The following NDST4 variants were observed in gnomAD, a reference collection of about 807,000 sequenced individuals.
The protein encoded by NDST4 is N-heparan sulfate sulfotransferase 4.
Under a neutral mutation model 100.8 loss-of-function variants are expected in NDST4, and 63 were observed. That is an observed-to-expected ratio of 0.62 (90% confidence interval 0.51 to 0.77). The LOEUF (loss-of-function observed/expected upper bound fraction) is 0.77, where lower values mean the gene tolerates loss of function less well. Among genes scored for constraint, NDST4 ranks in the 30% least tolerant of loss-of-function variants. NDST4 has a pLI of 0.00. For synonymous variants in NDST4, 377 were observed against 361.8 expected (o/e 1.04, Z -0.48); for missense variants, 943 against 1,018.4 (o/e 0.93, Z 1.01).
At chr4:115,009,984 A>G (rs1401232966) in intron 2 of NDST4, among the ~76,000 whole-genome samples, 2 of 102,230 alleles carry the variant, frequency 2.0e-5, no homozygotes, top group Admixed American at 2.1e-4. Context: ...AACCACAATG[A>G]GATACCATCT....
intron 6 of NDST4, among the ~76,000 whole-genome samples, chr4:114,924,993 A>G (rs1725360379): frequency 1.3e-5 from 2 of 152,162 alleles, no homozygotes; most frequent in Admixed American, 1.3e-4. Context: ...TAAAAAAGAT[A>G]AAGAAAAATA....
chr4:114,974,645 A>G (rs748976392), intron 3 of NDST4, among the ~76,000 whole-genome samples: 33 of 152,148 alleles, frequency 2.2e-4, no homozygotes, highest in Non-Finnish European at 4.6e-4. Context: ...ATTTCATTCT[A>G]AACTCCGTGC....
chr4:115,082,193 T>C (rs528070879), intron 1 of NDST4, among the ~76,000 whole-genome samples: 130 of 152,326 alleles, frequency 8.5e-4, no homozygotes, highest in African/African-American at 3.0e-3. Flanking sequence ...GTGGAATAAA[T>C]ATCTCCTAGA....
At chr4:114,867,646 T>TTA (rs1553949943) in intron 7 of NDST4, among the ~76,000 whole-genome samples, 285 of 26,776 alleles carry the variant, frequency 0.011, 1 homozygote, top group African/African-American at 0.021. Context: ...ATGAGAATTA[T>TTA]AAAAAAAAAA....
Position 115,068,806 on chromosome 4 carries a change from G to T in NDST4, c.978+7253C>A, listed in dbSNP as rs1232115379. 2.2e-5 allele frequency among the ~76,000 whole-genome samples: 3 copies of T among 138,370 alleles called. No individual in the cohort carries two copies. In the East Asian group the frequency reaches 6.4e-4, roughly 29 times the overall value. The allele number at this position is 138,370 out of a possible 152,430, so 90.8% of individuals were successfully genotyped here. A position where few individuals can be genotyped will look rare whatever the true frequency, so the allele number is the denominator to read the frequency against. On this transcript the variant is annotated intron_variant, in intron 2 of 13. Coordinates refer to ENST00000264363, the MANE Select transcript of NDST4 (RefSeq NM_022569.3). ...ACTCCAGCTTGGGCATCAGAGCGAG[G>T]CTCCATCTCAAAAAAAAAAAAAAAA...
chr4:115,070,572 A>C (rs186181669), intron 2 of NDST4, among the ~76,000 whole-genome samples: 1 of 152,156 alleles, frequency 6.6e-6, no homozygotes, highest in Non-Finnish European at 1.5e-5. Flanking sequence ...ATATATCTTG[A>C]GTTTTTAGGT....
At chr4:114,920,986 ATAT>A (rs1214811961) in intron 6 of NDST4, among the ~76,000 whole-genome samples, 3 of 152,190 alleles carry the variant, frequency 2.0e-5, no homozygotes, top group African/African-American at 7.2e-5. Flanking sequence ...CATATCATTA[ATAT>A]ATGTTTACCA....
chr4:115,108,974 G>A (rs529554109), intron 1 of NDST4, among the ~76,000 whole-genome samples: 141 of 149,290 alleles, frequency 9.4e-4, no homozygotes, highest in African/African-American at 3.3e-3. Context: ...GAGGAAGAAA[G>A]GAAAAAAGAC....
chr4:114,960,489 C>G (rs924967071), intron 4 of NDST4, among the ~76,000 whole-genome samples: 1 of 151,732 alleles, frequency 6.6e-6, no homozygotes, highest in African/African-American at 2.4e-5. Context: ...GCCTGTAATC[C>G]CAGCTACTCA....
chr4:114,922,882 G>T (rs1158891671), intron 6 of NDST4, among the ~76,000 whole-genome samples: 5 of 152,152 alleles, frequency 3.3e-5, no homozygotes. Context: ...CACTAAACAG[G>T]TACCACCATG....
chr4:114,972,899 C>T (rs1346851895), intron 3 of NDST4, among the ~76,000 whole-genome samples: 1 of 151,966 alleles, frequency 6.6e-6, no homozygotes, highest in Admixed American at 6.6e-5. Context: ...AAAATCTTAG[C>T]AATTTTTATA....
At chr4:114,845,666 T>C (rs1196730603) in intron 10 of NDST4, among the ~76,000 whole-genome samples, 157 bp downstream of exon 10, 1 of 152,234 alleles carries the variant, frequency 6.6e-6, no homozygotes, top group East Asian at 1.9e-4. Context: ...GAGTTAAATA[T>C]ACAGCTCATA....
intron 6 of NDST4, among the ~76,000 whole-genome samples, chr4:114,929,107 TCCATCC>T (rs1725453591): frequency 6.0e-4 from 73 of 122,184 alleles, no homozygotes; most frequent in African/African-American, 1.2e-3. Context: ...CATCCATCCA[TCCATCC>T]ATCTATCTAT....
chr4:115,059,635 A>G (rs1728776655), intron 2 of NDST4, among the ~76,000 whole-genome samples: 1 of 152,028 alleles, frequency 6.6e-6, no homozygotes, highest in South Asian at 2.1e-4. Context: ...CAGACCATCT[A>G]TCTTTTAACC....
At chr4:114,953,512 A>T (rs1726067995) in intron 4 of NDST4, among the ~76,000 whole-genome samples, 1 of 152,156 alleles carries the variant, frequency 6.6e-6, no homozygotes, top group Non-Finnish European at 1.5e-5. Flanking sequence ...AGTCCTTATA[A>T]TATCAGCAGA....
chr4:114,970,560 T>G lies in NDST4; in HGVS notation c.1091A>C (p.Asp364Ala). Reference protein sequence around the residue: ...HTGTEEEDEGDDLLLRSVDEF... With the variant: ...HTGTEEEDEGADLLLRSVDEF... ...ATCCACAGACCGAAGTAAAAGGTCA[T>G]CTCCTTCATCTTCCTCTTCAGTCCC... The change falls in exon 4 of 14, where the codon GAT becomes GCT. Residue 364 changes from aspartate to alanine, a missense_variant. This residue lies in a region of NDST4 where 526 missense variants were observed against 634.1 expected (regional missense o/e 0.83). Coordinates refer to ENST00000264363, the MANE Select transcript of NDST4 (RefSeq NM_022569.3). 6.2e-7 allele frequency: 1 copy of G among 1,613,762 alleles called. No homozygotes were observed.
intron 1 of NDST4, among the ~76,000 whole-genome samples, chr4:115,106,084 C>T (rs1729827560): frequency 6.6e-6 from 1 of 152,008 alleles, no homozygotes; most frequent in Non-Finnish European, 1.5e-5. Flanking sequence ...GCAATTACAT[C>T]ATAAGGTAAT....
chr4:114,993,074 C>T (rs774054009), intron 2 of NDST4, among the ~76,000 whole-genome samples: 8 of 151,814 alleles, frequency 5.3e-5, no homozygotes, highest in Admixed American at 1.3e-4. Context: ...TCATGGTGTA[C>T]TATAGATAGT....
In NDST4 at chr4:115,094,039, G is replaced by A. The variant is rs976495644; in HGVS notation, c.-246-16757C>T. 4.6e-5 allele frequency among the ~76,000 whole-genome samples: 7 copies of A among 151,688 alleles called. No homozygotes were observed. The East Asian group carries it at 1.2e-3, about 25-fold the overall frequency. On this transcript the variant is annotated intron_variant, in intron 1 of 13. Coordinates refer to ENST00000264363, the MANE Select transcript of NDST4 (RefSeq NM_022569.3). Reference sequence around the variant, plus strand: ...TTTGACAAACCTCTGCTGACATGAAGATAAAACAAGATAAAGCAAACATAA... The same window carrying A: ...TTTGACAAACCTCTGCTGACATGAAAATAAAACAAGATAAAGCAAACATAA...
Sources: allele counts gnomAD v4.1 joint callset (sites outside exome capture counted in the v4.1 genomes callset), GRCh38; gene constraint gnomAD v4.1.1; regional missense constraint gnomAD v4.1.1; transcripts MANE v1.5; gene names NCBI Gene and HGNC (gene_info 2026-07-23, HGNC 2026-07-21).